The following PLS1 variants were observed in gnomAD, a reference collection of about 807,000 sequenced individuals.
The protein encoded by PLS1 is plastin-1.
A neutral mutation model predicts 73.7 loss-of-function variants in PLS1; 32 were observed. The observed-to-expected ratio is 0.43, with a 90% CI of 0.33 to 0.58. The LOEUF (loss-of-function observed/expected upper bound fraction) is 0.58, where lower values mean the gene tolerates loss of function less well. PLS1 is among the 20% of genes least tolerant of loss of function. The probability of loss-of-function intolerance (pLI) is 0.04; values close to 1 mark genes in which losing one functional copy is unlikely to be tolerated. For missense variants in PLS1, 633 were observed against 740.5 expected (o/e 0.85, Z 1.68); for synonymous variants, 217 against 261.3 (o/e 0.83, Z 1.63).
chr3:142,610,706 A>G (rs148209503), intron 1 of PLS1, among the ~76,000 whole-genome samples: 339 of 152,274 alleles, frequency 2.2e-3, no homozygotes, highest in African/African-American at 7.8e-3. Flanking sequence ...TAGGATGACA[A>G]AGACTCTCGC....
At chr3:142,653,725 C>T (rs566061640) in intron 1 of PLS1, among the ~76,000 whole-genome samples, 3 of 152,004 alleles carry the variant, frequency 2.0e-5, no homozygotes, top group African/African-American at 7.2e-5. Flanking sequence ...TCCTATAATA[C>T]GTGTATATAG....
At chr3:142,642,626 C>T (rs1008759890) in intron 1 of PLS1, among the ~76,000 whole-genome samples, 1 of 152,102 alleles carries the variant, frequency 6.6e-6, no homozygotes, top group Non-Finnish European at 1.5e-5. Context: ...ACATATTATC[C>T]GATTATTATC....
chr3:142,645,706 G>A (rs2036939435), intron 1 of PLS1: 1 of 152,156 alleles, frequency 6.6e-6, no homozygotes, highest in African/African-American at 2.4e-5. Flanking sequence ...GGGAGTTACA[G>A]TCTGAGCATA....
At chr3:142,600,916 A>ATATATATATATATATAT (rs1560024585) in intron 1 of PLS1, among the ~76,000 whole-genome samples, 1 of 14,844 alleles carries the variant, frequency 6.7e-5, no homozygotes, top group Non-Finnish European at 1.1e-4. Flanking sequence ...ATATATATAT[A>ATATATATATATATATAT]TTTTTTTTTT....
rs775770833 is a variant in PLS1, at chr3:142,712,875, A to G, written c.*868A>G. On this transcript the variant is annotated 3_prime_UTR_variant, in exon 16 of 16. Transcript: ENST00000457734. Reference sequence around the variant, plus strand: ...ATCTGATACATTAAGATTTCTTTTTATAAGTATTCATTTTGAATGTGCATA... The same window carrying G: ...ATCTGATACATTAAGATTTCTTTTTGTAAGTATTCATTTTGAATGTGCATA... The G allele has an allele frequency of 6.6e-6, 1 of 152,562 alleles. No homozygotes were observed. The highest frequency in any genetic ancestry group is 1.5e-5 in the Non-Finnish European group (1 of 67,980). 9.5% of individuals were successfully genotyped at this position (152,562 alleles called of 1,614,324 possible).
chr3:142,638,089 A>T (rs1442043186), intron 1 of PLS1, among the ~76,000 whole-genome samples: 9 of 152,100 alleles, frequency 5.9e-5, no homozygotes, highest in Non-Finnish European at 1.0e-4. Flanking sequence ...TTAACCTGAG[A>T]TTCCAAAATT....
chr3:142,673,754 T>TC (rs11429163), intron 4 of PLS1: 94,782 of 152,006 alleles, frequency 0.62, 30,377 homozygotes, highest in African/African-American at 0.75. Context: ...AGGACAACCA[T>TC]CCCAATAGAA....
intron 11 of PLS1, among the ~76,000 whole-genome samples, chr3:142,695,706 A>G (rs143483163): frequency 2.6e-4 from 39 of 152,334 alleles, no homozygotes; most frequent in African/African-American, 8.9e-4. Context: ...AGAGAGGTAC[A>G]TAGCAAACTC....
chr3:142,655,390 A>G (rs2037202377), intron 1 of PLS1, among the ~76,000 whole-genome samples: 1 of 152,114 alleles, frequency 6.6e-6, no homozygotes, highest in African/African-American at 2.4e-5. Flanking sequence ...GTGTATTGTT[A>G]TTTTTTGTTT....
At chr3:142,668,086 A>G (rs949501731) in intron 2 of PLS1, among the ~76,000 whole-genome samples, 9 of 152,214 alleles carry the variant, frequency 5.9e-5, no homozygotes, top group Non-Finnish European at 2.9e-5. Flanking sequence ...AACAAGAAAT[A>G]TAGGAAACAA....
rs953724086 is a variant in PLS1, at chr3:142,681,599, C to T, written c.580-2407C>T. Among the ~76,000 whole-genome samples the T allele has an allele frequency of 9.9e-5, 15 of 152,210 alleles. No homozygotes were observed. In the East Asian group the frequency reaches 2.3e-3, roughly 23 times the overall value. On this transcript the variant is annotated intron_variant, in intron 6 of 15. Transcript: ENST00000457734. The stretch of plus-strand genomic sequence containing the variant: ...GAAGGCAGGGCCACCTCTCTTGTGT[C>T]TCTTGTGTTGCCACCAGTTGTTTGT...
rs59181450 is a variant in PLS1 at position 142,684,573 on chromosome 3, A to T, written c.888+178A>T. On this transcript the variant is annotated intron_variant, in intron 8 of 15. Coordinates refer to ENST00000457734, the MANE Select transcript of PLS1 (RefSeq NM_001145319.2). ...TATATTCACAAAATATATATTTTCT[A>T]AAAACCAGATATATTGGCTTTTAAT... Among the ~76,000 whole-genome samples, 3,380 of 152,320 alleles carry T rather than the reference A, an allele frequency of 0.022. 134 individuals carry two copies. Among genetic ancestry groups the T allele is most frequent in the African/African-American group, 0.077 (3,213 of 41,564 alleles).
At chr3:142,615,123 A>G (rs2036192237) in intron 1 of PLS1, among the ~76,000 whole-genome samples, 1 of 152,188 alleles carries the variant, frequency 6.6e-6, no homozygotes, top group African/African-American at 2.4e-5. Context: ...CAAGGCACTG[A>G]AGAATAGCCC....
At chr3:142,609,509 A>C (rs1212057403) in intron 1 of PLS1, among the ~76,000 whole-genome samples, 5 of 152,234 alleles carry the variant, frequency 3.3e-5, no homozygotes, top group Non-Finnish European at 7.3e-5. Context: ...AACTAAGCTC[A>C]TCACCCTGCT....
In PLS1 at chr3:142,600,839, A is replaced by G. The variant is rs141576375; in HGVS notation, c.-37+4330A>G. The stretch of plus-strand genomic sequence containing the variant: ...GAGACAGAACAAATGAGCTTGAGAA[A>G]TGGCTAGCAGTGGGGAAGGGAAGGG... On this transcript the variant is annotated intron_variant, in intron 1 of 15. Coordinates refer to ENST00000457734, the MANE Select transcript of PLS1 (RefSeq NM_001145319.2). Among the ~76,000 whole-genome samples the G allele has an allele frequency of 8.8e-4, 121 of 137,774 alleles. 2 individuals carry two copies. Among genetic ancestry groups the G allele is most frequent in the African/African-American group, 3.2e-3 (119 of 37,502 alleles). 90.4% of individuals were successfully genotyped at this position (137,774 alleles called of 152,430 possible).
At chr3:142,622,366 C>T (rs2036333376) in intron 1 of PLS1, among the ~76,000 whole-genome samples, 1 of 152,196 alleles carries the variant, frequency 6.6e-6, no homozygotes, top group South Asian at 2.1e-4. Context: ...AGACGTAGAA[C>T]ACTTTTTTCC....
At chr3:142,669,686 GAT>G (rs2037564159) in intron 3 of PLS1, 133 bp downstream of exon 3, 3 of 554,818 alleles carry the variant, frequency 5.4e-6, no homozygotes, top group Non-Finnish European at 9.5e-6. Flanking sequence ...TGATGATGAT[GAT>G]GACAATAACT....
chr3:142,669,653 GA>G, intron 3 of PLS1, 100 bp downstream of exon 3: 2 of 669,462 alleles, frequency 3.0e-6, no homozygotes, highest in South Asian at 2.7e-5. Context: ...TCAGAGACCA[GA>G]AAAAGGACTG....
At chr3:142,601,138 G>C (rs1248365353) in intron 1 of PLS1, among the ~76,000 whole-genome samples, 3 of 149,668 alleles carry the variant, frequency 2.0e-5, no homozygotes, top group African/African-American at 7.4e-5. Flanking sequence ...TGTTAGCCAG[G>C]ATGGTCTCGA....
Sources: gnomAD v4.1 joint callset for allele counts (sites outside exome capture counted in the v4.1 genomes callset) on GRCh38, gnomAD v4.1.1 for gene constraint, MANE v1.5 for transcripts, NCBI Gene and HGNC (gene_info 2026-07-23, HGNC 2026-07-21) for gene names.